The following MYCBP2 variants were observed in gnomAD, a reference collection of about 807,000 sequenced individuals.
MYCBP2 encodes E3 ubiquitin-protein ligase MYCBP2.
A neutral mutation model predicts 525.3 loss-of-function variants in MYCBP2; 120 were observed. That is an observed-to-expected ratio of 0.23 (90% CI 0.20 to 0.27). The LOEUF (loss-of-function observed/expected upper bound fraction) is 0.27, where lower values mean the gene tolerates loss of function less well. Among genes scored for constraint, MYCBP2 ranks in the 10% least tolerant of loss-of-function variants. The pLI, the probability that MYCBP2 is intolerant of heterozygous loss-of-function variation, is 1.00. For missense variants in MYCBP2, 4,149 were observed against 5,657.1 expected (o/e 0.73, Z 8.55); for synonymous variants, 1,894 against 1,955.8 (o/e 0.97, Z 0.83).
intron 3 of MYCBP2, among the ~76,000 whole-genome samples, chr13:77,281,978 A>C (rs1483160156): frequency 6.6e-6 from 1 of 152,228 alleles, no homozygotes; most frequent in Non-Finnish European, 1.5e-5. Flanking sequence ...TGTCTTTTAA[A>C]ATTGTTTGTA....
intron 3 of MYCBP2, among the ~76,000 whole-genome samples, chr13:77,281,962 G>A (rs2076232370): frequency 6.6e-6 from 1 of 152,134 alleles, no homozygotes; most frequent in Non-Finnish European, 1.5e-5. Context: ...ATAGAGTGAA[G>A]TATACTGTCT....
chr13:77,194,339 G>T, intron 26 of MYCBP2, 95 bp from the exon 27 acceptor site: 1 of 809,338 alleles, frequency 1.2e-6, no homozygotes, highest in Non-Finnish European at 2.0e-6. Context: ...AATGTATGCT[G>T]GACCATACCA....
At chr13:77,084,752 C>T (rs899671567) in intron 62 of MYCBP2, among the ~76,000 whole-genome samples, 4 of 152,060 alleles carry the variant, frequency 2.6e-5, no homozygotes, top group African/African-American at 9.7e-5. Context: ...AATTCATTTC[C>T]ACTGCTAGAT....
chr13:77,251,274 A>G lies in MYCBP2; in HGVS notation c.2258T>C (p.Met753Thr). 1.2e-6 allele frequency: 2 copies of G among 1,614,214 alleles called. No individual in the cohort carries two copies. Among genetic ancestry groups the G allele is most frequent in the Non-Finnish European group, 1.7e-6 (2 of 1,180,030 alleles). ...CCATTTGTGCATGCCTGGAGGGCAC[A>G]TCATAGACTTCTCATCTTTTTCATC... ...ELDEKDEKSM[M>T]CPPGMHKWKL... Residue 753 changes from methionine to threonine, a missense_variant, in exon 15 of 83, where the codon ATG (methionine) becomes ACG (threonine). Physicochemically the swap from Met to Thr is moderately conservative, Grantham distance 81. This residue lies in a region of MYCBP2 where 620 missense variants were observed against 795.5 expected (regional missense o/e 0.78). Coordinates refer to ENST00000544440, the MANE Select transcript of MYCBP2 (RefSeq NM_015057.5).
At chr13:77,226,822 C>T (rs1356114598) in intron 18 of MYCBP2, among the ~76,000 whole-genome samples, 1 of 152,014 alleles carries the variant, frequency 6.6e-6, no homozygotes, top group African/African-American at 2.4e-5. Flanking sequence ...CTCACTAATT[C>T]GGAATAACAT....
chr13:77,157,371 G>A (rs1339866793), intron 45 of MYCBP2, among the ~76,000 whole-genome samples: 1 of 152,178 alleles, frequency 6.6e-6, no homozygotes, highest in Admixed American at 6.5e-5. Context: ...CTACAGGAGT[G>A]TGCCACCATG....
chr13:77,062,870 T>TATGTGC (rs1460472280), intron 73 of MYCBP2, among the ~76,000 whole-genome samples, 173 bp from the exon 74 acceptor site: 13 of 152,250 alleles, frequency 8.5e-5, no homozygotes, highest in Admixed American at 3.3e-4. Context: ...ATCACTGTCC[T>TATGTGC]ATGTGCCATG....
intron 79 of MYCBP2, among the ~76,000 whole-genome samples, chr13:77,056,745 T>C (rs1327735424): frequency 1.3e-5 from 2 of 152,304 alleles, no homozygotes; most frequent in East Asian, 3.9e-4. Flanking sequence ...TCACGATGTT[T>C]AAATGAACTT....
At chr13:77,309,171 C>T (rs372574991) in intron 1 of MYCBP2, among the ~76,000 whole-genome samples, 1 of 152,190 alleles carries the variant, frequency 6.6e-6, no homozygotes, top group African/African-American at 2.4e-5. Flanking sequence ...ACTCCCATGT[C>T]CAGCCTCACT....
chr13:77,061,810 C>T lies in MYCBP2; in HGVS notation c.12775-20G>A, dbSNP rs772154789. 11 of 1,551,614 alleles carry T rather than the reference C, an allele frequency of 7.1e-6. No homozygotes were observed. Among genetic ancestry groups the T allele is most frequent in the Admixed American group, 1.8e-5 (1 of 55,786 alleles). On this transcript the variant is annotated intron_variant, in intron 74 of 82. Coordinates refer to ENST00000544440, the MANE Select transcript of MYCBP2 (RefSeq NM_015057.5). The stretch of plus-strand genomic sequence containing the variant: ...CATAGGCTAAAATAAGACATTTCCA[C>T]GTTACTTAGATTAACAAGCAAGTCT...
intron 62 of MYCBP2, 121 bp from the exon 63 acceptor site, chr13:77,083,313 A>C: frequency 1.2e-6 from 1 of 820,142 alleles, no homozygotes; most frequent in Admixed American, 2.8e-5. Context: ...ACAAAACCAA[A>C]TTGTACCCAG....
At position 77,044,820 on chromosome 13, in the gene MYCBP2, G is replaced by C; in HGVS notation, c.*558C>G. The C allele has an allele frequency of 5.0e-6, 2 of 398,356 alleles. No individual in the cohort carries two copies. Among genetic ancestry groups the C allele is most frequent in the Non-Finnish European group, 8.9e-6 (2 of 225,930 alleles). The allele number at this position is 398,356 out of a possible 1,614,324, so 24.7% of individuals were successfully genotyped here. Reference sequence around the variant, plus strand: ...TAAATGAAATTGCATTTGTAATTTAGTAATTCTTATACAGGACAAACATTG... The same window carrying C: ...TAAATGAAATTGCATTTGTAATTTACTAATTCTTATACAGGACAAACATTG... On this transcript the variant is annotated 3_prime_UTR_variant, in exon 83 of 83. Coordinates refer to ENST00000544440, the MANE Select transcript of MYCBP2 (RefSeq NM_015057.5).
At position 77,098,314 on chromosome 13, in the gene MYCBP2, G is replaced by T; in HGVS notation, c.8840C>A (p.Thr2947Lys). 1 of 1,611,562 alleles carries T rather than the reference G, an allele frequency of 6.2e-7. No homozygotes were observed. The highest frequency in any genetic ancestry group is 1.7e-5 in the Admixed American group (1 of 59,950). Residue 2947 changes from threonine (T) to lysine (K), a missense_variant, in exon 56 of 83, where the codon ACA becomes AAA. Physicochemically the swap from Thr to Lys is moderately conservative, Grantham distance 78 (BLOSUM62 -1). Around this residue, in one of 21 missense-constraint regions of MYCBP2, gnomAD observed 653 missense variants for 744.7 expected, o/e 0.88. Coordinates refer to ENST00000544440, the MANE Select transcript of MYCBP2 (RefSeq NM_015057.5). ...ACTGCTGTCATCGCAGGTGCTGTCT[G>T]TTAGACTATTTGTTTTTAAAGTACT... ...TSSTLKTNSL[T>K]DSTCDDSSEF...
chr13:77,144,192 C>A (rs990463442), intron 49 of MYCBP2: 3 of 468,422 alleles, frequency 6.4e-6, no homozygotes, highest in South Asian at 4.6e-5. Flanking sequence ...AGAGAGCACA[C>A]CTGACTAGTA....
Position 77,180,193 on chromosome 13 carries a change from G to A in MYCBP2, c.5067C>T (p.Val1689=), listed in dbSNP as rs370500650. 2 of 1,614,054 alleles carry A rather than the reference G, an allele frequency of 1.2e-6. No individual in the cohort carries two copies. The highest frequency in any genetic ancestry group is 1.7e-6 in the Non-Finnish European group (2 of 1,180,018). The change falls in exon 34 of 83, where the codon GTC becomes GTT. Residue 1689 remains valine (V), a synonymous_variant. Transcript: ENST00000544440. Reference sequence around the variant, plus strand: ...TGGCCAGTAATCCACAGGTGTTAGAGACGAGGTGGGAGGAGAAGAGTTCAT... The same window carrying A: ...TGGCCAGTAATCCACAGGTGTTAGAAACGAGGTGGGAGGAGAAGAGTTCAT... ...RENELFSSHL[V]SNTCGLLASI...
intron 17 of MYCBP2, among the ~76,000 whole-genome samples, chr13:77,238,007 G>T (rs544382664): frequency 3.3e-5 from 5 of 152,038 alleles, no homozygotes; most frequent in Non-Finnish European, 5.9e-5. Context: ...ACTTTGGGAG[G>T]CCAAGGCAGG....
Position 77,194,981 on chromosome 13 carries a change from T to G in MYCBP2, c.3844-737A>C, listed in dbSNP as rs78186824. ...AATACAAAAAGGTTATGAAATTAAG[T>G]GAAAATAAGAATTATGAAGAAGAGG... On this transcript the variant is annotated intron_variant, in intron 26 of 82. Transcript: ENST00000544440. Among the ~76,000 whole-genome samples the G allele has an allele frequency of 1.1e-4, 17 of 150,618 alleles. No individual in the cohort carries two copies. The East Asian group carries it at 3.3e-3, about 29-fold the overall frequency.
At chr13:77,072,399 T>C (rs1435103998) in intron 68 of MYCBP2, among the ~76,000 whole-genome samples, 1 of 150,806 alleles carries the variant, frequency 6.6e-6, no homozygotes, top group Non-Finnish European at 1.5e-5. Flanking sequence ...ATTTGTGAAA[T>C]GCAGCTAATG....
At chr13:77,147,149 C>T (rs1177454905) in intron 47 of MYCBP2, among the ~76,000 whole-genome samples, 10 of 152,066 alleles carry the variant, frequency 6.6e-5, no homozygotes, top group East Asian at 3.9e-4. Context: ...TTCTGGAAAA[C>T]GTATTGAACA....
Sources: allele counts gnomAD v4.1 joint callset (sites outside exome capture counted in the v4.1 genomes callset), GRCh38; gene constraint gnomAD v4.1.1; regional missense constraint gnomAD v4.1.1; transcripts MANE v1.5; gene names NCBI Gene and HGNC (gene_info 2026-07-23, HGNC 2026-07-21).